Variants in THSD7B observed in about 807,000 individuals in gnomAD.
THSD7B encodes the protein thrombospondin type 1 domain containing 7B, also known as thrombospondin type-1 domain-containing protein 7B.
Under a neutral mutation model 213.6 loss-of-function variants are expected in THSD7B, and 138 were observed. The ratio of observed to expected loss-of-function variants is 0.65; its 90% CI spans 0.56 to 0.74. The LOEUF is 0.74. Among genes scored for constraint, THSD7B ranks in the 30% least tolerant of loss-of-function variants. The probability of loss-of-function intolerance (pLI) is 0.00; values close to 1 mark genes in which losing one functional copy is unlikely to be tolerated. For missense variants in THSD7B, 1,931 were observed against 1,991.5 expected (o/e 0.97, Z 0.58); for synonymous variants, 742 against 687.0 (o/e 1.08, Z -1.25).
chr2:137,562,952 A>G (rs1178350763), intron 15 of THSD7B, among the ~76,000 whole-genome samples: 1 of 152,142 alleles, frequency 6.6e-6, no homozygotes, highest in Non-Finnish European at 1.5e-5. Context: ...TGGAATTCCT[A>G]TTCTTGGCAC....
chr2:137,022,988 C>T, intron 2 of THSD7B, among the ~76,000 whole-genome samples: 1 of 152,058 alleles, frequency 6.6e-6, no homozygotes, highest in East Asian at 1.9e-4. Flanking sequence ...GTTTGCCAAT[C>T]CCTGGTAATG....
intron 5 of THSD7B, among the ~76,000 whole-genome samples, chr2:137,123,825 C>T (rs1444486348): frequency 1.3e-5 from 2 of 152,098 alleles, no homozygotes; most frequent in African/African-American, 4.8e-5. Flanking sequence ...TTCTCTTTCT[C>T]ATCACCCAAT....
intron 2 of THSD7B, 68 bp downstream of exon 2, chr2:136,882,385 T>C: frequency 5.2e-6 from 7 of 1,340,742 alleles, no homozygotes; most frequent in Non-Finnish European, 6.7e-6. Flanking sequence ...TCCATCCTTC[T>C]TCTTCTTCTT....
chr2:137,154,865 TC>T (rs1679885186), intron 5 of THSD7B, among the ~76,000 whole-genome samples: 2 of 152,334 alleles, frequency 1.3e-5, no homozygotes, highest in East Asian at 3.9e-4. Flanking sequence ...CAGTTTTTTT[TC>T]CTTAACATTA....
At chr2:137,087,416 G>T (rs1208229341) in intron 3 of THSD7B, among the ~76,000 whole-genome samples, 2 of 152,118 alleles carry the variant, frequency 1.3e-5, no homozygotes, top group Admixed American at 6.6e-5. Flanking sequence ...AAAGCCTCCT[G>T]CAGAAAGCTC....
At chr2:137,407,364 A>C (rs534516189) in intron 13 of THSD7B, among the ~76,000 whole-genome samples, 1 of 152,264 alleles carries the variant, frequency 6.6e-6, no homozygotes, top group Non-Finnish European at 1.5e-5. Context: ...TCAGGTGGCT[A>C]ATTGACCTTT....
Position 137,056,991 on chromosome 2 carries a change from G to A in THSD7B, c.711G>A (p.Glu237=), listed in dbSNP as rs753751153. 35 of 1,613,780 alleles carry A rather than the reference G, an allele frequency of 2.2e-5. No homozygotes were observed. Among genetic ancestry groups the A allele is most frequent in the Non-Finnish European group, 2.9e-5 (34 of 1,179,876 alleles). Residue 237 remains glutamate, a synonymous_variant, in exon 3 of 28, where the codon GAG becomes GAA. Coordinates refer to ENST00000409968, the MANE Select transcript of THSD7B (RefSeq NM_001316349.2). ...CCATTTCCTGTCCTCTTGGGGAAGA[G>A]GAATATACATTTAGCCTTAAGGTTG... ...DAPISCPLGE[E]EYTFSLKVGP... is the part of the protein sequence containing the mutation.
Position 137,676,506 on chromosome 2 carries a change from AT to A in THSD7B, c.4740-11del. 5.7e-6 allele frequency: 9 copies of A among 1,574,332 alleles called. No individual in the cohort carries two copies. Among genetic ancestry groups the A allele is most frequent in the Admixed American group, 3.8e-5 (2 of 52,096 alleles). On this transcript the variant is annotated splice_polypyrimidine_tract_variant and intron_variant, in intron 27 of 27. Transcript: ENST00000409968. ...TCTATGAACTTACTTGATCTGAGGA[AT>A]TTTTTTCCCTTTGCAGCAAGAAGCC...
At chr2:136,796,980 T>TCACA (rs58116447) in intron 1 of THSD7B, among the ~76,000 whole-genome samples, 29,058 of 146,742 alleles carry the variant, frequency 0.2, 3,041 homozygotes, top group South Asian at 0.37. Context: ...TCATATTTGA[T>TCACA]CACACACACA....
intron 7 of THSD7B, among the ~76,000 whole-genome samples, chr2:137,204,578 T>C (rs2105027402): frequency 6.6e-6 from 1 of 152,262 alleles, no homozygotes; most frequent in South Asian, 2.1e-4. Flanking sequence ...AGAAATAAGA[T>C]GCCATTTGGA....
rs766245581 is a variant in THSD7B at position 137,242,663 on chromosome 2, CTT to C, written c.2266+102_2266+103del. The C allele has an allele frequency of 1.5e-3, 983 of 642,346 alleles. 1 individual carries two copies. The highest frequency in any genetic ancestry group is 2.5e-3 in the South Asian group (102 of 40,842). The allele number at this position is 642,346 out of a possible 1,614,324, so 39.8% of individuals were successfully genotyped here. ...GTGAGAGGTTGTGGAATGTGAGCAC[CTT>C]TTTTTTTTTTCATTTGCCTATCACC... On this transcript the variant is annotated intron_variant, in intron 10 of 27. Coordinates refer to ENST00000409968, the MANE Select transcript of THSD7B (RefSeq NM_001316349.2).
rs1683252974 is a variant in THSD7B at position 137,657,157 on chromosome 2, A to G, written c.4372A>G (p.Thr1458Ala). Residue 1458 changes from threonine (T) to alanine (A), a missense_variant, in exon 24 of 28, where the codon ACA (threonine) becomes GCA (alanine). Thr to Ala is a moderately conservative substitution (Grantham distance 58). Transcript: ENST00000409968. ...CCAGCGTTCAGATGGCGTTAATGTC[A>G]CAGGTATTCCTGCCTAAGACTCATG... ...WCQRSDGVNV[T>A]GGCSPQARPA... is the part of the protein sequence containing the mutation. 6.2e-7 allele frequency: 1 copy of G among 1,613,786 alleles called. No homozygotes were observed. The highest frequency in any genetic ancestry group is 1.3e-5 in the African/African-American group (1 of 74,930).
intron 4 of THSD7B, among the ~76,000 whole-genome samples, chr2:137,101,124 C>G (rs1313962281): frequency 6.6e-6 from 1 of 152,166 alleles, no homozygotes; most frequent in Non-Finnish European, 1.5e-5. Flanking sequence ...CAACCTCTGC[C>G]TCCTGGGTTC....
At chr2:137,627,388 G>C (rs1298380095) in intron 20 of THSD7B, among the ~76,000 whole-genome samples, 1 of 152,176 alleles carries the variant, frequency 6.6e-6, no homozygotes, top group African/African-American at 2.4e-5. Context: ...GGAGGAGATG[G>C]GAAGAACTGC....
At chr2:137,665,467 A>G (rs1350476463) in intron 26 of THSD7B, among the ~76,000 whole-genome samples, 1 of 151,848 alleles carries the variant, frequency 6.6e-6, no homozygotes, top group African/African-American at 2.4e-5. Context: ...ATTTGTATCT[A>G]TATATATAGA....
intron 3 of THSD7B, among the ~76,000 whole-genome samples, chr2:137,060,805 T>A (rs1024815225): frequency 1.4e-4 from 22 of 152,058 alleles, no homozygotes; most frequent in Non-Finnish European, 2.7e-4. Context: ...CTTCCTATTT[T>A]TTTTCTTCCT....
chr2:137,420,288 T>G (rs1199022851), intron 14 of THSD7B, among the ~76,000 whole-genome samples: 4 of 152,218 alleles, frequency 2.6e-5, no homozygotes, highest in Non-Finnish European at 4.4e-5. Context: ...AGGGGTCTTT[T>G]GCCTTCTGTA....
chr2:137,559,318 G>A (rs112258221), intron 15 of THSD7B, among the ~76,000 whole-genome samples: 2,104 of 152,114 alleles, frequency 0.014, 49 homozygotes, highest in African/African-American at 0.046. Context: ...AAACTATACT[G>A]CAAGGCTACA....
At chr2:137,532,406 G>A (rs2105181032) in intron 15 of THSD7B, among the ~76,000 whole-genome samples, 1 of 151,700 alleles carries the variant, frequency 6.6e-6, no homozygotes, top group African/African-American at 2.4e-5. Context: ...TTTAGATTGA[G>A]AAAAAAAGAA....
Sources: allele counts gnomAD v4.1 joint callset (sites outside exome capture counted in the v4.1 genomes callset), GRCh38; gene constraint gnomAD v4.1.1; transcripts MANE v1.5; gene names NCBI Gene and HGNC (gene_info 2026-07-23, HGNC 2026-07-21).